TNFAIP8: variants seen among roughly 807,000 people sequenced by gnomAD.
The protein encoded by TNFAIP8 is TNF alpha induced protein 8.
A neutral mutation model predicts 13.3 loss-of-function variants in TNFAIP8; 7 were observed. That is an observed-to-expected ratio of 0.52 (90% confidence interval 0.30 to 0.99). TNFAIP8 has a LOEUF of 0.99. Ranked by LOEUF, TNFAIP8 falls within the 50% of genes least tolerant of loss-of-function variation. The pLI, the probability that TNFAIP8 is intolerant of heterozygous loss-of-function variation, is 0.07. For synonymous variants in TNFAIP8, 94 were observed against 87.6 expected (o/e 1.07, Z -0.41); for missense variants, 258 against 236.9 (o/e 1.09, Z -0.58).
At chr5:119,338,482 C>CT (rs1750633195) in intron 1 of TNFAIP8, among the ~76,000 whole-genome samples, 1 of 152,220 alleles carries the variant, frequency 6.6e-6, no homozygotes, top group African/African-American at 2.4e-5. Flanking sequence ...TGCTATCAGT[C>CT]ACCAGACAGG....
At chr5:119,383,831 A>C in intron 1 of TNFAIP8, among the ~76,000 whole-genome samples, 1 of 152,162 alleles carries the variant, frequency 6.6e-6, no homozygotes, top group Admixed American at 6.5e-5. Context: ...TTATATTTTA[A>C]AATGCTTATA....
intron 1 of TNFAIP8, among the ~76,000 whole-genome samples, chr5:119,275,342 C>T (rs750870421): frequency 8.5e-5 from 13 of 152,110 alleles, no homozygotes; most frequent in African/African-American, 3.1e-4. Context: ...ACTTGAGTCA[C>T]CAACAATGCT....
intron 1 of TNFAIP8, among the ~76,000 whole-genome samples, chr5:119,303,147 G>C (rs1490368712): frequency 6.6e-6 from 1 of 152,114 alleles, no homozygotes; most frequent in East Asian, 1.9e-4. Context: ...TCCTTTAGGG[G>C]AGCAGCTATG....
intron 1 of TNFAIP8, among the ~76,000 whole-genome samples, chr5:119,307,785 G>A (rs1749612832): frequency 6.6e-6 from 1 of 151,780 alleles, no homozygotes; most frequent in African/African-American, 2.4e-5. Flanking sequence ...ATATGTATAT[G>A]TCCTTCAAGA....
chr5:119,347,203 T>C (rs1241982846), intron 1 of TNFAIP8, among the ~76,000 whole-genome samples: 2 of 152,208 alleles, frequency 1.3e-5, no homozygotes, highest in African/African-American at 4.8e-5. Flanking sequence ...TAAAAGTCCA[T>C]GCAGAGACTA....
intron 1 of TNFAIP8, among the ~76,000 whole-genome samples, chr5:119,270,969 A>G (rs1179582226): frequency 6.6e-6 from 1 of 152,250 alleles, no homozygotes; most frequent in Non-Finnish European, 1.5e-5. Context: ...TAAACTCACC[A>G]AGAAAAGTTG....
intron 1 of TNFAIP8, among the ~76,000 whole-genome samples, chr5:119,330,607 C>T (rs1001199551): frequency 2.6e-5 from 4 of 152,122 alleles, no homozygotes; most frequent in African/African-American, 4.8e-5. Context: ...TGCTCTGACA[C>T]TCGCTTTGGA....
Position 119,286,493 on chromosome 5 carries a change from G to T in TNFAIP8, c.1+17586G>T, listed in dbSNP as rs534456890. ...AAAAATTATCTGGGCATAGTGGCGG[G>T]CGCCTGTAATTCCAGCTACTCTGGA... On this transcript the variant is annotated intron_variant, in intron 1 of 1. Coordinates refer to the TNFAIP8 transcript ENST00000274456. Among the ~76,000 whole-genome samples the T allele has an allele frequency of 1.6e-4, 25 of 152,070 alleles. No homozygotes were observed. The South Asian group carries it at 5.0e-3, about 30-fold the overall frequency.
intron 1 of TNFAIP8, among the ~76,000 whole-genome samples, chr5:119,275,366 C>T (rs1748408464): frequency 1.3e-5 from 2 of 152,054 alleles, no homozygotes; most frequent in African/African-American, 4.8e-5. Flanking sequence ...ATCATAAATC[C>T]AGTATGCCAG....
Position 119,392,797 on chromosome 5 carries a change from T to C in TNFAIP8, c.32-19T>C. The C allele has an allele frequency of 6.7e-7, 1 of 1,500,450 alleles. No homozygotes were observed. Among genetic ancestry groups the C allele is most frequent in the Non-Finnish European group, 8.9e-7 (1 of 1,127,612 alleles). The allele number at this position is 1,500,450 out of a possible 1,614,324, so 92.9% of individuals were successfully genotyped here. A position where few individuals can be genotyped will look rare whatever the true frequency, so the allele number is the denominator to read the frequency against. Reference sequence around the variant, plus strand: ...ATTTACTAATTGTTAATTCTTTTCCTCTCTTTTTTTTTTTTTAGTGGCCAC... The same window carrying C: ...ATTTACTAATTGTTAATTCTTTTCCCCTCTTTTTTTTTTTTTAGTGGCCAC... On this transcript the variant is annotated intron_variant, in intron 1 of 1. Coordinates refer to ENST00000504771, the MANE Select transcript of TNFAIP8 (RefSeq NM_014350.4).
At chr5:119,371,859 C>T (rs746750346) in intron 1 of TNFAIP8, among the ~76,000 whole-genome samples, 1 of 151,918 alleles carries the variant, frequency 6.6e-6, no homozygotes, top group South Asian at 2.1e-4. Flanking sequence ...CCATCTCGGC[C>T]GGGCGTGGTG....
At chr5:119,346,594 C>T (rs1430199827) in intron 1 of TNFAIP8, among the ~76,000 whole-genome samples, 1 of 152,140 alleles carries the variant, frequency 6.6e-6, no homozygotes, top group East Asian at 1.9e-4. Context: ...TTTCCTGTTC[C>T]ACATCACATT....
At chr5:119,297,015 C>A (rs1224669049) in intron 1 of TNFAIP8, among the ~76,000 whole-genome samples, 1 of 152,034 alleles carries the variant, frequency 6.6e-6, no homozygotes, top group Admixed American at 6.6e-5. Flanking sequence ...ATTCTTCTCT[C>A]TTTTTTTCTT....
chr5:119,350,741 T>C (rs1033380950), intron 1 of TNFAIP8, among the ~76,000 whole-genome samples: 1 of 152,212 alleles, frequency 6.6e-6, no homozygotes, highest in African/African-American at 2.4e-5. Context: ...GTAGAATTTA[T>C]GGGAGAAGTC....
chr5:119,383,970 A>T (rs1428670534), intron 1 of TNFAIP8, among the ~76,000 whole-genome samples: 2 of 152,124 alleles, frequency 1.3e-5, no homozygotes, highest in African/African-American at 4.8e-5. Context: ...TTAGCTAGAC[A>T]TTATTAGATC....
At chr5:119,319,695 T>C (rs998627402) in intron 1 of TNFAIP8, among the ~76,000 whole-genome samples, 1 of 152,208 alleles carries the variant, frequency 6.6e-6, no homozygotes, top group Non-Finnish European at 1.5e-5. Context: ...TTTCTATGTA[T>C]ATTGGTGCAC....
chr5:119,381,221 C>T (rs113656029), intron 1 of TNFAIP8, among the ~76,000 whole-genome samples: 35 of 152,322 alleles, frequency 2.3e-4, no homozygotes, highest in African/African-American at 8.4e-4. Context: ...TATCTATCCT[C>T]TCCCTGCCAA....
chr5:119,389,734 C>G (rs1428534725), intron 1 of TNFAIP8, among the ~76,000 whole-genome samples: 1 of 152,112 alleles, frequency 6.6e-6, no homozygotes, highest in Admixed American at 6.5e-5. Context: ...GAGCTTCAAC[C>G]TCATTTAAAA....
At chr5:119,341,337 A>G (rs116051841) in intron 1 of TNFAIP8, among the ~76,000 whole-genome samples, 3,587 of 152,310 alleles carry the variant, frequency 0.024, 77 homozygotes, top group Middle Eastern at 0.037. Context: ...TATGTGAACA[A>G]TCTCAAGTCG....
Sources: gnomAD v4.1 joint callset for allele counts (sites outside exome capture counted in the v4.1 genomes callset) on GRCh38, gnomAD v4.1.1 for gene constraint, MANE v1.5 for transcripts, NCBI Gene and HGNC (gene_info 2026-07-23, HGNC 2026-07-21) for gene names.